Variants in DHX35 observed in about 807,000 individuals in gnomAD.
DHX35 encodes DEAH-box helicase 35, also known as probable ATP-dependent RNA helicase DHX35.
Under a neutral mutation model 99.6 loss-of-function variants are expected in DHX35, and 84 were observed. The observed-to-expected ratio is 0.84, with a 90% confidence interval of 0.71 to 1.01. DHX35 has a LOEUF of 1.01. Ranked by LOEUF, DHX35 falls within the 50% of genes least tolerant of loss-of-function variation. DHX35 has a pLI of 0.00. For synonymous variants in DHX35, 331 were observed against 316.2 expected (o/e 1.05, Z -0.50); for missense variants, 852 against 888.5 (o/e 0.96, Z 0.52).
chr20:38,966,673 A>G (rs1345172920), intron 1 of DHX35, among the ~76,000 whole-genome samples: 1 of 152,208 alleles, frequency 6.6e-6, no homozygotes, highest in Admixed American at 6.5e-5. Flanking sequence ...TCCAAAAACA[A>G]AAGCTGATAA....
At chr20:38,965,867 A>T (rs550141886) in intron 1 of DHX35, among the ~76,000 whole-genome samples, 309 of 152,292 alleles carry the variant, frequency 2.0e-3, no homozygotes, top group African/African-American at 7.1e-3. Flanking sequence ...TCGTTTGCTC[A>T]TTTGATAAAT....
At chr20:38,990,148 C>T (rs1412462779) in intron 5 of DHX35, among the ~76,000 whole-genome samples, 3 of 152,136 alleles carry the variant, frequency 2.0e-5, no homozygotes, top group African/African-American at 7.2e-5. Context: ...ACCTTTGAGC[C>T]GTCCATAAAA....
At position 39,025,853 on chromosome 20, in the gene DHX35, T is replaced by G. The variant is rs547405419; in HGVS notation, c.1801+494T>G. On this transcript the variant is annotated intron_variant, in intron 18 of 21. Transcript: ENST00000252011. Reference sequence around the variant, plus strand: ...CCTCTAGCAGTGACAGTGACTACTATTAATCAGGGACACAGTAGGTTACGC... The same window carrying G: ...CCTCTAGCAGTGACAGTGACTACTAGTAATCAGGGACACAGTAGGTTACGC... Among the ~76,000 whole-genome samples the G allele has an allele frequency of 7.9e-5, 12 of 152,348 alleles. No individual in the cohort carries two copies. In the East Asian group the frequency reaches 2.1e-3, roughly 27 times the overall value.
intron 8 of DHX35, 49 bp downstream of exon 8, chr20:38,994,929 C>A: frequency 1.3e-6 from 2 of 1,544,446 alleles, no homozygotes; most frequent in Non-Finnish European, 1.8e-6. Context: ...ACACTTTTGT[C>A]CTATATATCC....
intron 1 of DHX35, among the ~76,000 whole-genome samples, chr20:38,963,423 T>G (rs567637048): frequency 1.3e-5 from 2 of 152,366 alleles, no homozygotes; most frequent in South Asian, 2.1e-4. Flanking sequence ...ATGTGAGAGA[T>G]AAACCCAAGC....
chr20:39,014,332 G>A, intron 13 of DHX35, among the ~76,000 whole-genome samples: 1 of 152,204 alleles, frequency 6.6e-6, no homozygotes, highest in East Asian at 1.9e-4. Context: ...CTTTGCTTAT[G>A]AACTTTAAGG....
intron 16 of DHX35, 109 bp from the exon 17 acceptor site, chr20:39,023,581 G>A: frequency 2.0e-6 from 2 of 983,646 alleles, no homozygotes; most frequent in Non-Finnish European, 1.6e-6. Flanking sequence ...TCGAACTTCT[G>A]GGTTCAGGCA....
intron 3 of DHX35, among the ~76,000 whole-genome samples, chr20:38,979,612 A>C (rs1229531295): frequency 6.6e-6 from 1 of 152,230 alleles, no homozygotes; most frequent in Non-Finnish European, 1.5e-5. Flanking sequence ...TACCTGAGAC[A>C]GTCACTGTTT....
intron 18 of DHX35, among the ~76,000 whole-genome samples, chr20:39,027,447 A>G (rs2086975533): frequency 6.6e-6 from 1 of 152,248 alleles, no homozygotes; most frequent in African/African-American, 2.4e-5. Context: ...TGGGCTAAGG[A>G]TTAGAACAAA....
In DHX35 at chr20:38,962,377, C is replaced by T; in HGVS notation, c.10C>T (p.Pro4Ser). 1 of 1,612,808 alleles carries T rather than the reference C, an allele frequency of 6.2e-7. No individual in the cohort carries two copies. Reference protein sequence around the residue: MAAPVGPVKFWRPG... With the variant: MAASVGPVKFWRPG... The stretch of plus-strand genomic sequence containing the variant: ...GACCTTTTACCCCAACATGGCTGCG[C>T]CCGTGGGACCGGTGAAGTTCTGGCG... Residue 4 changes from proline (P) to serine (S), a missense_variant, in exon 1 of 22, where the codon CCC (proline) becomes TCC (serine). Pro to Ser is a moderately conservative substitution (Grantham distance 74). Coordinates refer to ENST00000252011, the MANE Select transcript of DHX35 (RefSeq NM_021931.4).
chr20:39,007,361 A>G (rs2086635650), intron 12 of DHX35, among the ~76,000 whole-genome samples: 1 of 152,194 alleles, frequency 6.6e-6, no homozygotes, highest in Admixed American at 6.5e-5. Flanking sequence ...GTGGAGGTAG[A>G]CCTCAAAACA....
chr20:39,013,548 T>C (rs1156703772), intron 13 of DHX35, among the ~76,000 whole-genome samples: 4 of 152,224 alleles, frequency 2.6e-5, no homozygotes, highest in Non-Finnish European at 5.9e-5. Flanking sequence ...GATAAGATTT[T>C]TGTGGAGAGG....
chr20:38,995,027 A>G, intron 8 of DHX35, 147 bp downstream of exon 8: 1 of 639,432 alleles, frequency 1.6e-6, no homozygotes, highest in East Asian at 2.7e-5. Context: ...ATTTCATATA[A>G]TCAGAGGTTA....
At chr20:39,032,307 G>T (rs1200707725) in intron 20 of DHX35, among the ~76,000 whole-genome samples, 5 of 152,204 alleles carry the variant, frequency 3.3e-5, no homozygotes, top group African/African-American at 1.2e-4. Context: ...GAGTAGCTGG[G>T]ATTACAGGTG....
At chr20:39,014,283 T>C (rs574464089) in intron 13 of DHX35, among the ~76,000 whole-genome samples, 1 of 152,134 alleles carries the variant, frequency 6.6e-6, no homozygotes, top group Non-Finnish European at 1.5e-5. Context: ...GGAAAGGAGG[T>C]AAAGATCTGG....
chr20:39,010,086 T>C (rs1000543249), intron 12 of DHX35, among the ~76,000 whole-genome samples, 194 bp from the exon 13 acceptor site: 2 of 152,208 alleles, frequency 1.3e-5, no homozygotes, highest in African/African-American at 4.8e-5. Flanking sequence ...CAAATATATT[T>C]ATCTAAGGCA....
chr20:39,000,406 C>G (rs2145891581), intron 8 of DHX35, among the ~76,000 whole-genome samples: 1 of 152,078 alleles, frequency 6.6e-6, no homozygotes, highest in Admixed American at 6.6e-5. Flanking sequence ...TTCTAGTGTA[C>G]CTGTGCTGTG....
chr20:39,002,868 G>A lies in DHX35; in HGVS notation c.852G>A (p.Gln284=), dbSNP rs1471082032. 1.9e-6 allele frequency: 3 copies of A among 1,613,500 alleles called. No homozygotes were observed. The highest frequency in any genetic ancestry group is 2.5e-6 in the Non-Finnish European group (3 of 1,179,554). ...DGDVLAFLTG[Q]EEVETVVSML... is the part of the protein sequence containing the mutation. The stretch of plus-strand genomic sequence containing the variant: ...ACGTTTTAGCATTTCTTACTGGCCA[G>A]GTAATGCCACTGTACTTCTCTGATG... The change falls in exon 10 of 22, where the codon CAG becomes CAA. Residue 284 remains glutamine, a splice_region_variant and synonymous_variant. Coordinates refer to ENST00000252011, the MANE Select transcript of DHX35 (RefSeq NM_021931.4).
At chr20:38,998,719 T>A (rs898175215) in intron 8 of DHX35, among the ~76,000 whole-genome samples, 2 of 152,266 alleles carry the variant, frequency 1.3e-5, no homozygotes, top group African/African-American at 2.4e-5. Context: ...TTTACTTTTT[T>A]ATGTATTTTG....
Sources: allele counts gnomAD v4.1 joint callset (sites outside exome capture counted in the v4.1 genomes callset), GRCh38; gene constraint gnomAD v4.1.1; transcripts MANE v1.5; gene names NCBI Gene and HGNC (gene_info 2026-07-23, HGNC 2026-07-21).